Variants in LYRM4 observed in about 807,000 individuals in gnomAD.
LYRM4 encodes LYR motif containing 4, also known as LYR motif-containing protein 4.
LYRM4 carries 9 observed loss-of-function variants against 11.7 expected under a neutral mutation model. The ratio of observed to expected loss-of-function variants is 0.77; its 90% CI spans 0.46 to 1.34. The LOEUF (loss-of-function observed/expected upper bound fraction) is 1.34. LYRM4 is among the 40% of genes most tolerant of loss of function. The pLI, the probability that LYRM4 is intolerant of heterozygous loss-of-function variation, is 0.00. For missense variants in LYRM4, 133 were observed against 112.5 expected (o/e 1.18, Z -0.82); for synonymous variants, 42 against 40.4 (o/e 1.04, Z -0.15).
At chr6:5,159,706 C>T (rs1219986617) in intron 2 of LYRM4, among the ~76,000 whole-genome samples, 1 of 152,150 alleles carries the variant, frequency 6.6e-6, no homozygotes, top group Non-Finnish European at 1.5e-5. Context: ...ACAATTCATA[C>T]CTATCTTTTA....
intron 2 of LYRM4, among the ~76,000 whole-genome samples, chr6:5,199,004 C>A (rs1392257272): frequency 2.0e-5 from 3 of 152,250 alleles, no homozygotes; most frequent in African/African-American, 7.2e-5. Flanking sequence ...TAGGTAATTC[C>A]TCAAAAAGTT....
In LYRM4 at chr6:5,108,680, G is replaced by A; in HGVS notation, c.*743C>T. 1 of 697,490 alleles carries A rather than the reference G, an allele frequency of 1.4e-6. No individual in the cohort carries two copies. The highest frequency in any genetic ancestry group is 6.3e-5 in the Admixed American group (1 of 15,918). The allele number at this position is 697,490 out of a possible 1,614,324, so 43.2% of individuals were successfully genotyped here. ...CTGCCCAGCATGCCCCAGGCTTCAG[G>A]GTATGGGAGTCGCCCTGGGCTTGGG... On this transcript the variant is annotated 3_prime_UTR_variant, in exon 3 of 3. Coordinates refer to ENST00000330636, the MANE Select transcript of LYRM4 (RefSeq NM_020408.6).
At chr6:5,038,815 G>A in the LYRM4 span, among the ~76,000 whole-genome samples, 1 of 53,964 alleles carries the variant, frequency 1.9e-5, no homozygotes, top group African/African-American at 5.5e-5. Flanking sequence ...GCAGCGAGCC[G>A]AGATGGCAGC....
intron 2 of LYRM4, among the ~76,000 whole-genome samples, chr6:5,119,737 C>T (rs1391349617): frequency 7.6e-6 from 1 of 132,388 alleles, no homozygotes; most frequent in Non-Finnish European, 1.5e-5. Flanking sequence ...TGCAGTGAGC[C>T]GAGATTGCAC....
intron 2 of LYRM4, among the ~76,000 whole-genome samples, chr6:5,209,703 C>T (rs1357672424): frequency 6.6e-6 from 1 of 152,034 alleles, no homozygotes; most frequent in African/African-American, 2.4e-5. Context: ...AATGGGTGCT[C>T]AGTAAATATC....
rs535981690 is a variant in LYRM4 at position 5,180,287 on chromosome 6, G to A, written c.207+36331C>T. ...GGTGGCACAGGTGTACACCGTGGCA[G>A]GATTGAACATCTTCCTAAGCGTGTG... On this transcript the variant is annotated intron_variant, in intron 2 of 2. Coordinates refer to ENST00000330636, the MANE Select transcript of LYRM4 (RefSeq NM_020408.6). 3.1e-4 allele frequency among the ~76,000 whole-genome samples: 47 copies of A among 152,292 alleles called. 1 individual carries two copies. In the South Asian group the frequency reaches 6.8e-3, roughly 22 times the overall value.
At chr6:5,186,598 A>C (rs971093704) in intron 2 of LYRM4, 3 of 978,422 alleles carry the variant, frequency 3.1e-6, no homozygotes, top group Non-Finnish European at 3.6e-6. Flanking sequence ...AAGCACCAGA[A>C]GGAAATGCAA....
At chr6:5,179,316 C>T (rs1759935908) in intron 2 of LYRM4, among the ~76,000 whole-genome samples, 1 of 152,076 alleles carries the variant, frequency 6.6e-6, no homozygotes, top group Non-Finnish European at 1.5e-5. Flanking sequence ...AGTACATTTA[C>T]ATTGTTTTTC....
the LYRM4 span, chr6:5,066,903 C>T: frequency 1.7e-6 from 2 of 1,163,232 alleles, no homozygotes; most frequent in Non-Finnish European, 2.4e-6. Flanking sequence ...CGCTCCAGAC[C>T]CTAAAATGCA....
At chr6:5,215,452 G>T (rs1412282723) in intron 2 of LYRM4, among the ~76,000 whole-genome samples, 2 of 152,142 alleles carry the variant, frequency 1.3e-5, no homozygotes, top group African/African-American at 2.4e-5. Flanking sequence ...CATGGCTTTA[G>T]TTAGAGATCA....
At chr6:5,211,558 C>T (rs925429321) in intron 2 of LYRM4, among the ~76,000 whole-genome samples, 6 of 152,184 alleles carry the variant, frequency 3.9e-5, no homozygotes, top group African/African-American at 1.4e-4. Flanking sequence ...AATGGCTGTA[C>T]ATAGTGTCTG....
chr6:5,162,611 A>G (rs1218239915), intron 2 of LYRM4, among the ~76,000 whole-genome samples: 1 of 152,222 alleles, frequency 6.6e-6, no homozygotes, highest in African/African-American at 2.4e-5. Flanking sequence ...GGTTATAAGT[A>G]TCTGTGAAGC....
At chr6:5,194,206 C>T (rs1272048681) in intron 2 of LYRM4, among the ~76,000 whole-genome samples, 6 of 152,118 alleles carry the variant, frequency 3.9e-5, no homozygotes, top group South Asian at 2.1e-4. Context: ...AGAAAAGATA[C>T]GTTACCTCTT....
At chr6:5,215,711 C>G (rs1427086529) in intron 2 of LYRM4, among the ~76,000 whole-genome samples, 1 of 152,090 alleles carries the variant, frequency 6.6e-6, no homozygotes, top group African/African-American at 2.4e-5. Flanking sequence ...TAATGTCAGC[C>G]AAGCTGGCAT....
chr6:5,192,440 C>G lies in LYRM4; in HGVS notation c.207+24178G>C, dbSNP rs189003305. ...GCACCCCTCCCCTTACTCAGTCCCC[C>G]CAAAGAGACATGTAGTAAGGCTCTG... is the stretch of plus-strand genomic sequence containing the variant. On this transcript the variant is annotated intron_variant, in intron 2 of 2. Transcript: ENST00000330636. Among the ~76,000 whole-genome samples, 17 of 152,282 alleles carry G rather than the reference C, an allele frequency of 1.1e-4. No homozygotes were observed. In the East Asian group the frequency reaches 2.1e-3, roughly 19 times the overall value.
intron 2 of LYRM4, among the ~76,000 whole-genome samples, chr6:5,162,545 G>T (rs1286555226): frequency 1.4e-5 from 2 of 146,976 alleles, no homozygotes; most frequent in African/African-American, 5.0e-5. Context: ...GGAGGCAGGT[G>T]GCAGGGGAGA....
At chr6:5,254,736 T>G (rs1450337135) in intron 1 of LYRM4, among the ~76,000 whole-genome samples, 1 of 152,200 alleles carries the variant, frequency 6.6e-6, no homozygotes, top group Non-Finnish European at 1.5e-5. Context: ...CAACTTGCCC[T>G]CTTCTCCTTC....
intron 2 of LYRM4, among the ~76,000 whole-genome samples, chr6:5,199,636 C>A (rs1233869173): frequency 1.3e-5 from 2 of 152,186 alleles, no homozygotes; most frequent in African/African-American, 2.4e-5. Flanking sequence ...CATCAACAGG[C>A]TGAACCTTGA....
chr6:5,191,022 T>C (rs1387160351), intron 2 of LYRM4, among the ~76,000 whole-genome samples: 1 of 152,216 alleles, frequency 6.6e-6, no homozygotes, highest in Non-Finnish European at 1.5e-5. Context: ...TTATTTGATC[T>C]AGTTATTTTA....
Sources: gnomAD v4.1 joint callset for allele counts (sites outside exome capture counted in the v4.1 genomes callset) on GRCh38, gnomAD v4.1.1 for gene constraint, MANE v1.5 for transcripts, NCBI Gene and HGNC (gene_info 2026-07-23, HGNC 2026-07-21) for gene names.